The following ZDHHC15 variants were observed in gnomAD, a reference collection of about 807,000 sequenced individuals.
The protein encoded by ZDHHC15 is palmitoyltransferase ZDHHC15.
A neutral mutation model predicts 31.7 loss-of-function variants in ZDHHC15; 19 were observed. The observed-to-expected ratio is 0.60, with a 90% CI of 0.42 to 0.88. The LOEUF (loss-of-function observed/expected upper bound fraction) is 0.88. ZDHHC15 is among the 40% of genes least tolerant of loss of function. ZDHHC15 has a pLI of 0.00. For synonymous variants in ZDHHC15, 103 were observed against 90.0 expected, an observed-to-expected ratio of 1.14 and a Z score of -0.82; for missense variants, 209 against 251.2, an observed-to-expected ratio of 0.83 and a Z score of 1.14.
At chrX:75,415,537 G>A (rs2147830007) in intron 10 of ZDHHC15, among the ~76,000 whole-genome samples, 1 of 112,151 alleles carries the variant, frequency 8.9e-6, no homozygotes, top group African/African-American at 3.2e-5. Context: ...GTCCAAAGGA[G>A]AGACCTAGCA....
chrX:75,480,163 C>G (rs1043913758), intron 2 of ZDHHC15, among the ~76,000 whole-genome samples: 1 of 111,153 alleles, frequency 9.0e-6, no homozygotes, highest in East Asian at 2.8e-4. Flanking sequence ...AAAAAAGAGA[C>G]TCTACTCTCC....
intron 2 of ZDHHC15, among the ~76,000 whole-genome samples, chrX:75,494,240 C>T (rs1483204092): frequency 1.8e-5 from 2 of 111,038 alleles, no homozygotes; most frequent in African/African-American, 3.3e-5. Flanking sequence ...CGTGAAGGAC[C>T]TCTTCAAGGA....
At chrX:75,390,890 T>C (rs2083235447) in intron 10 of ZDHHC15, among the ~76,000 whole-genome samples, 1 of 111,353 alleles carries the variant, frequency 9.0e-6, no homozygotes, top group Non-Finnish European at 1.9e-5. Context: ...TAATGACCAA[T>C]CTCAGAGAGA....
intron 10 of ZDHHC15, among the ~76,000 whole-genome samples, chrX:75,392,918 A>C (rs1476844108): frequency 1.9e-5 from 2 of 107,444 alleles, no homozygotes; most frequent in African/African-American, 6.8e-5. Flanking sequence ...TTCAGGAAGC[A>C]CTTCAGCAGG....
rs2083002610 is a variant in ZDHHC15 at position 75,371,114 on chromosome X, T to C, written c.*1864A>G. 1 of 111,656 alleles carries C rather than the reference T, an allele frequency of 9.0e-6. No homozygotes were observed. The highest frequency in any genetic ancestry group is 3.3e-5 in the African/African-American group (1 of 30,686). 9.2% of individuals were successfully genotyped at this position (111,656 alleles called of 1,213,427 possible). ...GAAGATTACTTTGAGGCCTACTTGC[T>C]GTGTAGTAAGTAAAGGCCATACATG... is the stretch of plus-strand genomic sequence containing the variant. On this transcript the variant is annotated 3_prime_UTR_variant, in exon 12 of 12. Coordinates refer to ENST00000373367, the MANE Select transcript of ZDHHC15 (RefSeq NM_144969.3).
At chrX:75,472,582 A>C (rs1356497809) in intron 3 of ZDHHC15, among the ~76,000 whole-genome samples, 4 of 112,077 alleles carry the variant, frequency 3.6e-5, no homozygotes, top group Non-Finnish European at 7.5e-5. Flanking sequence ...ATAAACTGTG[A>C]AGATATTTGT....
chrX:75,423,045 T>C (rs1209329974), intron 8 of ZDHHC15, among the ~76,000 whole-genome samples: 1 of 98,878 alleles, frequency 1.0e-5, no homozygotes, highest in South Asian at 5.4e-4. Context: ...CAGGGTCTTA[T>C]TCTGTCACCC....
chrX:75,435,499 C>T (rs926132282), intron 4 of ZDHHC15, among the ~76,000 whole-genome samples: 3 of 111,763 alleles, frequency 2.7e-5, no homozygotes, highest in African/African-American at 9.7e-5. Flanking sequence ...GCTTTTATTA[C>T]CTTAACATAT....
intron 2 of ZDHHC15, among the ~76,000 whole-genome samples, chrX:75,484,013 G>T (rs1302472681): frequency 8.9e-6 from 1 of 111,832 alleles, no homozygotes; most frequent in Non-Finnish European, 1.9e-5. Flanking sequence ...TTAATATGAT[G>T]TTGACTTAAT....
chrX:75,424,846 A>AAT (rs1316404126), intron 7 of ZDHHC15, 62 bp from the exon 8 acceptor site: 28 of 1,080,970 alleles, frequency 2.6e-5, no homozygotes, highest in Non-Finnish European at 3.4e-5. Context: ...AGTTTTTCTA[A>AAT]ATATATAGGT....
intron 8 of ZDHHC15, 113 bp downstream of exon 8, chrX:75,424,539 A>G (rs973702738): frequency 1.3e-6 from 1 of 787,926 alleles, no homozygotes; most frequent in Admixed American, 4.4e-5. Flanking sequence ...CTGGGGGTAG[A>G]GGGATGTCAC....
intron 2 of ZDHHC15, among the ~76,000 whole-genome samples, chrX:75,481,520 C>T (rs907506082): frequency 8.9e-6 from 1 of 111,777 alleles, no homozygotes; most frequent in African/African-American, 3.3e-5. Flanking sequence ...ATTATGGGTA[C>T]TGTTAAATAA....
At position 75,391,699 on chromosome X, in the gene ZDHHC15, A is replaced by T. The variant is rs757236152; in HGVS notation, c.968-12501T>A. Reference sequence around the variant, plus strand: ...GAAGCATCAACAGCAGAAGTGTTCTATAAGAAATGCTAAAAGGAGTTCTTT... The same window carrying T: ...GAAGCATCAACAGCAGAAGTGTTCTTTAAGAAATGCTAAAAGGAGTTCTTT... On this transcript the variant is annotated intron_variant, in intron 10 of 11. Transcript: ENST00000373367. Among the ~76,000 whole-genome samples the T allele has an allele frequency of 3.6e-5, 4 of 112,576 alleles. 1 individual carries two copies. In the South Asian group the frequency reaches 1.5e-3, roughly 41 times the overall value.
chrX:75,513,598 C>T (rs192933717), intron 1 of ZDHHC15, among the ~76,000 whole-genome samples: 140 of 111,429 alleles, frequency 1.3e-3, no homozygotes, highest in African/African-American at 4.1e-3. Context: ...ATAATAGAGC[C>T]TACACTCTAA....
At position 75,370,581 on chromosome X, in the gene ZDHHC15, G is replaced by A. The variant is rs780727744; in HGVS notation, c.*2397C>T. ...AGTTTCACTCTTATTGCCCAGGCCGGAGTGCAATGGCACGATCTCAGCTCA... is the reference window on the plus strand; with the variant it reads ...AGTTTCACTCTTATTGCCCAGGCCGAAGTGCAATGGCACGATCTCAGCTCA... On this transcript the variant is annotated 3_prime_UTR_variant, in exon 12 of 12. Coordinates refer to ENST00000373367, the MANE Select transcript of ZDHHC15 (RefSeq NM_144969.3). The A allele has an allele frequency of 2.9e-5, 3 of 104,723 alleles. No homozygotes were observed. In the East Asian group the frequency reaches 9.0e-4, roughly 31 times the overall value. 8.6% of individuals were successfully genotyped at this position (104,723 alleles called of 1,213,427 possible). A position where few individuals can be genotyped will look rare whatever the true frequency, so the allele number is the denominator to read the frequency against.
chrX:75,477,373 G>A (rs763323261), intron 3 of ZDHHC15, among the ~76,000 whole-genome samples: 1 of 111,643 alleles, frequency 9.0e-6, no homozygotes, highest in South Asian at 3.8e-4. Context: ...CATGTAGCTG[G>A]TTTGGTGTTG....
intron 3 of ZDHHC15, among the ~76,000 whole-genome samples, chrX:75,462,932 G>C (rs1320227027): frequency 9.0e-6 from 1 of 111,045 alleles, no homozygotes; most frequent in Non-Finnish European, 1.9e-5. Context: ...GAGCTGAACT[G>C]AAGGAGACAG....
At chrX:75,455,620 T>TGCAAAAATTA (rs1270325832) in intron 3 of ZDHHC15, among the ~76,000 whole-genome samples, 1 of 111,722 alleles carries the variant, frequency 9.0e-6, no homozygotes, top group East Asian at 2.8e-4. Flanking sequence ...TCTACTTATC[T>TGCAAAAATTA]GACAATGGGC....
At chrX:75,396,980 C>A (rs1318897480) in intron 10 of ZDHHC15, among the ~76,000 whole-genome samples, 1 of 110,570 alleles carries the variant, frequency 9.0e-6, no homozygotes, top group Non-Finnish European at 1.9e-5. Context: ...ATGATGGTAA[C>A]CAGAGGCTGG....
Sources: allele counts gnomAD v4.1 joint callset (sites outside exome capture counted in the v4.1 genomes callset), GRCh38; gene constraint gnomAD v4.1.1; transcripts MANE v1.5; gene names NCBI Gene and HGNC (gene_info 2026-07-23, HGNC 2026-07-21).